Variants in AGBL1 observed in about 807,000 individuals in gnomAD.
The protein encoded by AGBL1 is cytosolic carboxypeptidase 4.
In AGBL1, 130 loss-of-function variants were observed where a neutral mutation model predicts 118.9. The observed-to-expected ratio is 1.09, with a 90% CI of 0.95 to 1.26. AGBL1 has a LOEUF of 1.26. Ranked by LOEUF, AGBL1 falls within the 50% of genes most tolerant of loss-of-function variation. The pLI is 0.00. For synonymous variants in AGBL1, 555 were observed against 478.9 expected (o/e 1.16, Z -2.08); for missense variants, 1,584 against 1,298.1 (o/e 1.22, Z -3.38).
At chr15:86,353,257 G>T (rs2141904876) in intron 17 of AGBL1, among the ~76,000 whole-genome samples, 2 of 152,316 alleles carry the variant, frequency 1.3e-5, no homozygotes, top group Non-Finnish European at 2.9e-5. Context: ...CAGGAAAAGA[G>T]TAAGACAGAG....
chr15:86,203,000 C>T (rs948946936), intron 5 of AGBL1, among the ~76,000 whole-genome samples: 2 of 152,120 alleles, frequency 1.3e-5, no homozygotes, highest in Admixed American at 6.6e-5. Flanking sequence ...TGGAGGATTG[C>T]ATGAGCCCAG....
chr15:86,804,436 C>G (rs1165716071), intron 22 of AGBL1, among the ~76,000 whole-genome samples: 1 of 152,078 alleles, frequency 6.6e-6, no homozygotes, highest in Non-Finnish European at 1.5e-5. Context: ...TTCTCCTTAG[C>G]TGGTTCTCTG....
intron 22 of AGBL1, among the ~76,000 whole-genome samples, chr15:86,762,132 A>G (rs2078034946): frequency 1.3e-5 from 2 of 152,134 alleles, no homozygotes; most frequent in South Asian, 4.1e-4. Flanking sequence ...AAAACCAAAC[A>G]CTGCATATTC....
At chr15:86,652,097 A>G (rs1356454459) in intron 21 of AGBL1, among the ~76,000 whole-genome samples, 1 of 152,130 alleles carries the variant, frequency 6.6e-6, no homozygotes, top group Non-Finnish European at 1.5e-5. Flanking sequence ...AATACAATAA[A>G]AAGGAAACCT....
chr15:86,973,957 TAAAC>T (rs2081139043), intron 23 of AGBL1, among the ~76,000 whole-genome samples: 1 of 142,628 alleles, frequency 7.0e-6, no homozygotes, highest in Admixed American at 7.2e-5. Flanking sequence ...ATATTAAATA[TAAAC>T]ATATTTAATA....
At chr15:86,217,866 G>A (rs2078215410) in intron 5 of AGBL1, among the ~76,000 whole-genome samples, 2 of 152,314 alleles carry the variant, frequency 1.3e-5, no homozygotes, top group Admixed American at 1.3e-4. Context: ...GAGCAAGAGT[G>A]GATGTGGGGT....
chr15:86,762,665 G>A (rs943777927), intron 22 of AGBL1, among the ~76,000 whole-genome samples: 2 of 151,994 alleles, frequency 1.3e-5, no homozygotes, highest in African/African-American at 4.8e-5. Flanking sequence ...CAGAAGGACT[G>A]TATCCTAGCC....
At chr15:86,988,836 A>G (rs1280831594) in intron 24 of AGBL1, among the ~76,000 whole-genome samples, 1 of 152,182 alleles carries the variant, frequency 6.6e-6, no homozygotes, top group Non-Finnish European at 1.5e-5. Context: ...TTACATGAAT[A>G]TTAATATCAC....
At chr15:86,271,760 T>C (rs1200935149) in intron 15 of AGBL1, 54 bp downstream of exon 15, 1 of 1,469,282 alleles carries the variant, frequency 6.8e-7, no homozygotes, top group African/African-American at 1.4e-5. Context: ...TTTCTCTCAA[T>C]TTCCCACTTT....
At chr15:86,472,883 C>T (rs1285489776) in intron 18 of AGBL1, among the ~76,000 whole-genome samples, 3 of 152,196 alleles carry the variant, frequency 2.0e-5, no homozygotes, top group Non-Finnish European at 4.4e-5. Context: ...TGCACCACTG[C>T]ACTCTAGTCT....
chr15:86,954,745 T>C (rs972802173), intron 23 of AGBL1, among the ~76,000 whole-genome samples: 2 of 152,196 alleles, frequency 1.3e-5, no homozygotes, highest in African/African-American at 4.8e-5. Flanking sequence ...AACCTCATCA[T>C]CATGCAATAC....
intron 23 of AGBL1, among the ~76,000 whole-genome samples, chr15:86,925,800 G>A (rs764699132): frequency 9.5e-5 from 14 of 147,282 alleles, no homozygotes; most frequent in African/African-American, 2.0e-4. Flanking sequence ...GCGCCATCTC[G>A]GCTCACTGCA....
At chr15:86,273,140 T>C (rs1171842054) in intron 15 of AGBL1, among the ~76,000 whole-genome samples, 2 of 90,522 alleles carry the variant, frequency 2.2e-5, no homozygotes, top group East Asian at 4.3e-4. Context: ...CCTAATGGGA[T>C]ATATAAATTC....
intron 22 of AGBL1, among the ~76,000 whole-genome samples, chr15:86,894,890 G>C (rs749865995): frequency 6.6e-6 from 1 of 152,208 alleles, no homozygotes; most frequent in African/African-American, 2.4e-5. Flanking sequence ...GTTGGCAGGA[G>C]TGTCAAGGCA....
chr15:86,503,386 T>C (rs2082938896), intron 18 of AGBL1, among the ~76,000 whole-genome samples: 1 of 151,328 alleles, frequency 6.6e-6, no homozygotes, highest in Admixed American at 6.6e-5. Flanking sequence ...AACCAACTTT[T>C]AGTTCCTTGA....
At chr15:86,551,289 A>C (rs1192917021) in intron 20 of AGBL1, among the ~76,000 whole-genome samples, 1 of 152,156 alleles carries the variant, frequency 6.6e-6, no homozygotes, top group Non-Finnish European at 1.5e-5. Flanking sequence ...CATGCTTTTC[A>C]TTCAATAATT....
intron 22 of AGBL1, among the ~76,000 whole-genome samples, chr15:86,802,902 G>T (rs905793027): frequency 1.3e-5 from 2 of 152,114 alleles, no homozygotes; most frequent in Non-Finnish European, 2.9e-5. Flanking sequence ...AAGACACTCA[G>T]TATAGAACTG....
At chr15:87,004,594 G>C (rs1032445171) in intron 24 of AGBL1, among the ~76,000 whole-genome samples, 14 of 152,108 alleles carry the variant, frequency 9.2e-5, no homozygotes, top group Non-Finnish European at 1.9e-4. Context: ...CTGCACGTGA[G>C]ATGGGTCTCC....
intron 15 of AGBL1, among the ~76,000 whole-genome samples, chr15:86,274,443 G>T (rs1381547680): frequency 2.0e-5 from 3 of 152,100 alleles, no homozygotes; most frequent in African/African-American, 7.2e-5. Flanking sequence ...CTTCTAAGAA[G>T]ATTTTTCTTT....
Sources: allele counts gnomAD v4.1 joint callset (sites outside exome capture counted in the v4.1 genomes callset), GRCh38; gene constraint gnomAD v4.1.1; transcripts MANE v1.5; gene names NCBI Gene and HGNC (gene_info 2026-07-23, HGNC 2026-07-21).